RUBCN: variants seen among roughly 807,000 people sequenced by gnomAD.
The protein encoded by RUBCN is rubicon autophagy regulator.
In RUBCN, 74 loss-of-function variants were observed where a neutral mutation model predicts 113.2. The ratio of observed to expected loss-of-function variants is 0.65; its 90% CI spans 0.54 to 0.79. RUBCN has a LOEUF of 0.79. RUBCN is among the 30% of genes least tolerant of loss of function. The probability of loss-of-function intolerance (pLI) is 0.00; values close to 1 mark genes in which losing one functional copy is unlikely to be tolerated. For missense variants in RUBCN, 1,109 were observed against 1,251.7 expected (o/e 0.89, Z 1.72); for synonymous variants, 480 against 490.0 (o/e 0.98, Z 0.27).
chr3:197,746,465 T>G (rs111333172), intron 1 of RUBCN, among the ~76,000 whole-genome samples: 116 of 152,330 alleles, frequency 7.6e-4, no homozygotes, highest in Middle Eastern at 6.8e-3. Flanking sequence ...TCATGCCATA[T>G]AGCCATGTCC....
chr3:197,699,687 A>G (rs1443713127), intron 7 of RUBCN, among the ~76,000 whole-genome samples: 4 of 152,224 alleles, frequency 2.6e-5, no homozygotes, highest in African/African-American at 9.7e-5. Flanking sequence ...GAGGGAAAAC[A>G]AAGACAAAAG....
At chr3:197,749,345 A>C in exon 1 of RUBCN, 1 of 1,154,278 alleles carries the variant, frequency 8.7e-7, no homozygotes, top group Non-Finnish European at 1.1e-6. Flanking sequence ...GATTGAGAGA[A>C]GGTACAGACA....
In RUBCN at chr3:197,681,677, G is replaced by T. The variant is rs942578856; in HGVS notation, c.2191+158C>A. Among the ~76,000 whole-genome samples, 1 of 152,154 alleles carries T rather than the reference G, an allele frequency of 6.6e-6. No homozygotes were observed. Among genetic ancestry groups the T allele is most frequent in the African/African-American group, 2.4e-5 (1 of 41,434 alleles). On this transcript the variant is annotated intron_variant, in intron 15 of 19. Coordinates refer to ENST00000296343, the MANE Select transcript of RUBCN (RefSeq NM_014687.4). This position sits in a 1 kb window ranked among gnomAD's most constrained non-coding sequence, Gnocchi z 5.5. ...GTGCTCCCAGAAATCATTTCCCTCC[G>T]ATTGCCAGCACTCTTGCCTACTACG...
chr3:197,731,605 C>A (rs1385873974), intron 1 of RUBCN, among the ~76,000 whole-genome samples: 1 of 149,778 alleles, frequency 6.7e-6, no homozygotes, highest in South Asian at 2.1e-4. Flanking sequence ...CCGGATGGGG[C>A]GGCTGGCCGG....
In RUBCN at chr3:197,736,764, C is replaced by A. The variant is rs1204187385; in HGVS notation, c.-45G>T. On this transcript the variant is annotated 5_prime_UTR_variant, in exon 1 of 20. Coordinates refer to ENST00000296343, the MANE Select transcript of RUBCN (RefSeq NM_014687.4). ...TCTTCGCCCAAGAGAGGCGTCCCTG[C>A]CGCTTCGCCCTTCAGGGCTCCCGGG... 2 of 1,523,454 alleles carry A rather than the reference C, an allele frequency of 1.3e-6. No homozygotes were observed. Among genetic ancestry groups the A allele is most frequent in the Non-Finnish European group, 1.8e-6 (2 of 1,142,222 alleles). The allele number at this position is 1,523,454 out of a possible 1,614,324, so 94.4% of individuals were successfully genotyped here.
intron 9 of RUBCN, 74 bp from the exon 10 acceptor site, chr3:197,694,659 G>A (rs1256165441): frequency 1.5e-6 from 2 of 1,354,794 alleles, no homozygotes; most frequent in African/African-American, 2.9e-5. Context: ...ATGTGGAAAA[G>A]GGAGTTTCCA....
intron 11 of RUBCN, among the ~76,000 whole-genome samples, chr3:197,686,582 C>A (rs9862094): frequency 6.6e-6 from 1 of 152,076 alleles, no homozygotes; most frequent in African/African-American, 2.4e-5. Context: ...ACTAAGTTGA[C>A]ACGGGTGAAA....
At chr3:197,740,390 A>AC (rs1728477174), upstream of RUBCN, among the ~76,000 whole-genome samples, 1 of 151,434 alleles carries the variant, frequency 6.6e-6, no homozygotes, top group Admixed American at 6.6e-5. Flanking sequence ...AATCTCTTTA[A>AC]CCTGGGAGGC....
chr3:197,671,066 G>C lies in RUBCN; in HGVS notation c.*3952C>G, dbSNP rs190661770. ...GGTCTCGCTCTTCATCCAGGATGGA[G>C]TGCAATGGAGCAAGCTTGGCTCACT... On this transcript the variant is annotated 3_prime_UTR_variant, in exon 20 of 20. Transcript: ENST00000296343. Among the ~76,000 whole-genome samples, 2 of 152,300 alleles carry C rather than the reference G, an allele frequency of 1.3e-5. No homozygotes were observed. Among genetic ancestry groups the C allele is most frequent in the Admixed American group, 6.5e-5 (1 of 15,300 alleles).
At position 197,684,193 on chromosome 3, in the gene RUBCN, G is replaced by A; in HGVS notation, c.1811C>T (p.Ala604Val). 3 of 1,613,718 alleles carry A rather than the reference G, an allele frequency of 1.9e-6. No individual in the cohort carries two copies. ...GGAAACGAAGGATTTGCTGCTTGAGGCTGTGTTCCTTCTGATGTCAGCATC... is the reference window on the plus strand; with the variant it reads ...GGAAACGAAGGATTTGCTGCTTGAGACTGTGTTCCTTCTGATGTCAGCATC... ...IQDADIRRNTASSSKSFVSSQ... is the reference protein window; with the variant it reads ...IQDADIRRNTVSSSKSFVSSQ... The change falls in exon 12 of 20, where the codon GCC becomes GTC. Residue 604 changes from alanine to valine, a missense_variant. Around this residue, in one of 3 missense-constraint regions of RUBCN, gnomAD observed 736 missense variants for 779.6 expected, o/e 0.94. Transcript: ENST00000296343.
In RUBCN at chr3:197,675,036, G is replaced by C; in HGVS notation, c.2901C>G (p.Ala967=). Residue 967 remains alanine (A), a synonymous_variant, in exon 20 of 20, where the codon GCC becomes GCG. Transcript: ENST00000296343. This position sits in a 1 kb window ranked among gnomAD's most constrained non-coding sequence, Gnocchi z 4.4. ...GCTTTCTTCAGGTGGCCTCCAGGAC[G>C]GCGGCTTCCAGGGCCAGCGCTTCCG... The part of the protein sequence containing the change: ...EPAEALALEA[A]VLEAT The C allele has an allele frequency of 1.2e-6, 2 of 1,612,574 alleles. No homozygotes were observed. Among genetic ancestry groups the C allele is most frequent in the Non-Finnish European group, 1.7e-6 (2 of 1,179,878 alleles).
chr3:197,693,162 G>A (rs900644105), intron 11 of RUBCN, among the ~76,000 whole-genome samples: 2 of 152,112 alleles, frequency 1.3e-5, no homozygotes, highest in African/African-American at 4.8e-5. Context: ...GAACCCCACT[G>A]TTCCTCTATG....
chr3:197,736,521 A>G (rs1028987978), intron 1 of RUBCN, 134 bp downstream of exon 1: 2 of 688,722 alleles, frequency 2.9e-6, no homozygotes, highest in Non-Finnish European at 4.7e-6. Context: ...ATGCTTCCCA[A>G]ACAAGTCCTC....
intron 11 of RUBCN, among the ~76,000 whole-genome samples, chr3:197,687,905 G>C (rs1340817130): frequency 6.6e-6 from 1 of 152,144 alleles, no homozygotes; most frequent in Non-Finnish European, 1.5e-5. Context: ...CCACCATCCA[G>C]CAAGCCAGGA....
intron 16 of RUBCN, among the ~76,000 whole-genome samples, chr3:197,680,385 T>C (rs1313655593): frequency 6.9e-6 from 1 of 144,236 alleles, no homozygotes; most frequent in Non-Finnish European, 1.5e-5. Context: ...GACTGTCCTG[T>C]GCTCTAACTG....
At chr3:197,737,557 G>A (rs945219752), upstream of RUBCN, among the ~76,000 whole-genome samples, 1 of 152,058 alleles carries the variant, frequency 6.6e-6, no homozygotes, top group Admixed American at 6.6e-5. Context: ...GGTAGCCAGA[G>A]CTGGGAAGGA....
chr3:197,740,435 C>T (rs1438762877), upstream of RUBCN, among the ~76,000 whole-genome samples: 5 of 151,546 alleles, frequency 3.3e-5, no homozygotes, highest in Admixed American at 6.6e-5. Flanking sequence ...TGCCATTGCA[C>T]TCCATCCTGG....
chr3:197,691,427 T>A (rs1045194397), intron 11 of RUBCN, among the ~76,000 whole-genome samples: 1 of 151,912 alleles, frequency 6.6e-6, no homozygotes, highest in African/African-American at 2.4e-5. Flanking sequence ...GTCTTGATAC[T>A]GGGGAGGGGT....
At chr3:197,747,891 A>G (rs1330542332) in intron 1 of RUBCN, among the ~76,000 whole-genome samples, 2 of 151,818 alleles carry the variant, frequency 1.3e-5, no homozygotes, top group South Asian at 2.1e-4. Flanking sequence ...TTATCACTCA[A>G]TAAAACTCAG....
Sources: allele counts gnomAD v4.1 joint callset (sites outside exome capture counted in the v4.1 genomes callset), GRCh38; gene constraint gnomAD v4.1.1; regional missense constraint gnomAD v4.1.1; non-coding constraint Gnocchi (gnomAD v3.1); transcripts MANE v1.5; gene names NCBI Gene and HGNC (gene_info 2026-07-23, HGNC 2026-07-21).